DNAH6: variants seen among roughly 807,000 people sequenced by gnomAD.
The protein encoded by DNAH6 is axonemal beta dynein heavy chain 6.
In DNAH6, 340 loss-of-function variants were observed where a neutral mutation model predicts 491.4. That is an observed-to-expected ratio of 0.69 (90% confidence interval 0.63 to 0.76). The LOEUF (loss-of-function observed/expected upper bound fraction) is 0.76, where lower values mean the gene tolerates loss of function less well. DNAH6 is among the 30% of genes least tolerant of loss of function. The pLI is 0.00. For missense variants in DNAH6, 4,443 were observed against 4,972.2 expected (o/e 0.89, Z 3.20); for synonymous variants, 1,603 against 1,686.1 (o/e 0.95, Z 1.21).
chr2:84,807,605 C>T (rs955830289), intron 71 of DNAH6, among the ~76,000 whole-genome samples: 2 of 152,122 alleles, frequency 1.3e-5, no homozygotes, highest in African/African-American at 4.8e-5. Flanking sequence ...GATTTAAACG[C>T]TTGTATGGTA....
chr2:84,759,012 T>G (rs1280215158), intron 63 of DNAH6, among the ~76,000 whole-genome samples: 4 of 152,172 alleles, frequency 2.6e-5, no homozygotes, highest in African/African-American at 9.7e-5. Context: ...TTCCTGTTTA[T>G]TGATGATATG....
intron 18 of DNAH6, among the ~76,000 whole-genome samples, chr2:84,599,469 T>C (rs970858679): frequency 3.1e-4 from 47 of 152,188 alleles, no homozygotes; most frequent in African/African-American, 1.1e-3. Context: ...TTGTTTTCTA[T>C]GTTTAGGTAT....
Position 84,715,641 on chromosome 2 carries a change from G to A in DNAH6, c.9611+14G>A. 1 of 1,549,976 alleles carries A rather than the reference G, an allele frequency of 6.5e-7. No homozygotes were observed. Among genetic ancestry groups the A allele is most frequent in the Non-Finnish European group, 8.7e-7 (1 of 1,145,784 alleles). On this transcript the variant is annotated intron_variant, in intron 58 of 76. Transcript: ENST00000389394. ...TCAGTTGTTAAGGTAAAAAAACAGG[G>A]AGTTGAGGGGAGGGAAGGGGGTATT...
At chr2:84,581,988 G>A (rs530354201) in intron 14 of DNAH6, among the ~76,000 whole-genome samples, 188 of 152,190 alleles carry the variant, frequency 1.2e-3, no homozygotes, top group Admixed American at 5.3e-3. Context: ...CATTGTACTA[G>A]GACAATAAGT....
intron 40 of DNAH6, among the ~76,000 whole-genome samples, chr2:84,675,519 C>T (rs1209238197): frequency 2.8e-4 from 42 of 152,298 alleles, no homozygotes; most frequent in Admixed American, 2.7e-3. Context: ...CTACTATCAC[C>T]TTCCAGCTCT....
chr2:84,498,829 C>T, the DNAH6 span, among the ~76,000 whole-genome samples: 2 of 152,140 alleles, frequency 1.3e-5, no homozygotes, highest in East Asian at 3.9e-4. Context: ...ACTGGGTTAG[C>T]TGTCAAATGG....
At chr2:84,582,181 T>C (rs1287872409) in intron 14 of DNAH6, among the ~76,000 whole-genome samples, 8 of 152,168 alleles carry the variant, frequency 5.3e-5, no homozygotes, top group African/African-American at 4.8e-5. Context: ...AATGGGAAGA[T>C]TTATTCTAAG....
intron 47 of DNAH6, among the ~76,000 whole-genome samples, chr2:84,699,389 T>C (rs970741588): frequency 6.6e-6 from 1 of 152,136 alleles, no homozygotes; most frequent in Admixed American, 6.5e-5. Context: ...CTAGCCACGA[T>C]GGAGTTTGCA....
intron 75 of DNAH6, among the ~76,000 whole-genome samples, chr2:84,815,294 T>C (rs80219601): frequency 0.045 from 6,784 of 151,562 alleles, 207 homozygotes; most frequent in Middle Eastern, 0.082. Context: ...GACGTGAGGC[T>C]CCAATTATCC....
At chr2:84,598,317 C>G (rs963062128) in intron 18 of DNAH6, among the ~76,000 whole-genome samples, 1 of 152,078 alleles carries the variant, frequency 6.6e-6, no homozygotes, top group African/African-American at 2.4e-5. Flanking sequence ...CCTGAGCCAC[C>G]ATGCCCAGCC....
chr2:84,692,719 C>A (rs556964651), intron 45 of DNAH6, among the ~76,000 whole-genome samples: 1 of 152,206 alleles, frequency 6.6e-6, no homozygotes. Context: ...ATATCCCTTC[C>A]CCCTTCCCAG....
At chr2:84,610,204 G>A (rs923028221) in intron 21 of DNAH6, among the ~76,000 whole-genome samples, 2 of 152,168 alleles carry the variant, frequency 1.3e-5, no homozygotes, top group African/African-American at 4.8e-5. Flanking sequence ...CCTAGATGTT[G>A]CCAACAGCTT....
Position 84,781,628 on chromosome 2 carries a change from G to A in DNAH6, c.10839G>A (p.Glu3613=), listed in dbSNP as rs781089261. The A allele has an allele frequency of 9.7e-6, 15 of 1,551,722 alleles. No homozygotes were observed. In the Admixed American group the frequency reaches 1.4e-4, roughly 14 times the overall value. ...TTTCTTGGATGTTGGCAATGGAAGA[G>A]CTCATTAAAACCTTCACAGATCCAG... ...LAVSWMLAME[E]LIKTFTDPDS... is the part of the protein sequence containing the mutation. The change falls in exon 65 of 77, where the codon GAG becomes GAA. Residue 3613 remains glutamate (E), a synonymous_variant. Transcript: ENST00000389394.
chr2:84,605,580 A>G lies in DNAH6; in HGVS notation c.3162A>G (p.Thr1054=). 6.4e-7 allele frequency: 1 copy of G among 1,550,678 alleles called. No homozygotes were observed. The highest frequency in any genetic ancestry group is 8.7e-7 in the Non-Finnish European group (1 of 1,146,188). Residue 1054 remains threonine, a synonymous_variant, in exon 20 of 77, where the codon ACA becomes ACG. Transcript: ENST00000389394. Reference sequence around the variant, plus strand: ...AAGATGTGTTTATACTGGGCGGCACAGATGACATACAGGTGGGTAACTGGG... The same window carrying G: ...AAGATGTGTTTATACTGGGCGGCACGGATGACATACAGGTGGGTAACTGGG... ...DSKDVFILGG[T]DDIQVLLDDS...
intron 33 of DNAH6, among the ~76,000 whole-genome samples, chr2:84,646,372 G>T (rs543083126): frequency 6.6e-6 from 1 of 152,004 alleles, no homozygotes; most frequent in African/African-American, 2.4e-5. Flanking sequence ...ACCCTACAGT[G>T]GTCTCTAGTG....
intron 62 of DNAH6, among the ~76,000 whole-genome samples, chr2:84,739,021 C>T (rs976988987): frequency 3.9e-5 from 6 of 152,056 alleles, no homozygotes; most frequent in African/African-American, 1.5e-4. Context: ...CATTGTAGGG[C>T]CAGTCTGGTG....
Position 84,611,656 on chromosome 2 carries a change from T to C in DNAH6, c.3295-18T>C, listed in dbSNP as rs1219654307. On this transcript the variant is annotated intron_variant, in intron 21 of 76. Transcript: ENST00000389394. ...ATTGGGGAATTAAAATTTGACAGTG[T>C]CCATATTTTTCTCCTAGGAAGAGTG... The C allele has an allele frequency of 1.9e-6, 3 of 1,541,002 alleles. No individual in the cohort carries two copies. The highest frequency in any genetic ancestry group is 2.0e-5 in the Admixed American group (1 of 50,336).
chr2:84,807,477 T>C (rs997788765), intron 71 of DNAH6, among the ~76,000 whole-genome samples: 2 of 152,200 alleles, frequency 1.3e-5, no homozygotes, highest in African/African-American at 2.4e-5. Context: ...TGTTTAATAA[T>C]GCAGTCAGTC....
At chr2:84,592,887 C>T (rs528332325) in intron 16 of DNAH6, among the ~76,000 whole-genome samples, 8 of 152,196 alleles carry the variant, frequency 5.3e-5, no homozygotes, top group African/African-American at 1.9e-4. Flanking sequence ...TAGTCAAACT[C>T]ATATAAGCAG....
Sources: gnomAD v4.1 joint callset for allele counts (sites outside exome capture counted in the v4.1 genomes callset) on GRCh38, gnomAD v4.1.1 for gene constraint, MANE v1.5 for transcripts, NCBI Gene and HGNC (gene_info 2026-07-23, HGNC 2026-07-21) for gene names.